CLPB: variants seen among roughly 807,000 people sequenced by gnomAD.
CLPB encodes the protein mitochondrial disaggregase.
In CLPB, 40 loss-of-function variants were observed where a neutral mutation model predicts 78.4. That is an observed-to-expected ratio of 0.51 (90% CI 0.40 to 0.66). The LOEUF is 0.66. Ranked by LOEUF, CLPB falls within the 30% of genes least tolerant of loss-of-function variation. The probability of loss-of-function intolerance (pLI) is 0.00; values close to 1 mark genes in which losing one functional copy is unlikely to be tolerated. For missense variants in CLPB, 780 were observed against 886.9 expected (o/e 0.88, Z 1.53); for synonymous variants, 333 against 348.0 (o/e 0.96, Z 0.48).
At chr11:72,371,256 G>A (rs960446703) in intron 4 of CLPB, among the ~76,000 whole-genome samples, 9 of 151,988 alleles carry the variant, frequency 5.9e-5, no homozygotes, top group Admixed American at 2.0e-4. Flanking sequence ...ATTGGGCAGG[G>A]CGTGGTGGCT....
At chr11:72,340,790 G>A (rs896918150) in intron 5 of CLPB, among the ~76,000 whole-genome samples, 1 of 152,210 alleles carries the variant, frequency 6.6e-6, no homozygotes, top group Non-Finnish European at 1.5e-5. Context: ...TTACTGAACT[G>A]CTTGGTGCCC....
chr11:72,355,465 T>C (rs1320083118), intron 5 of CLPB: 1 of 152,188 alleles, frequency 6.6e-6, no homozygotes, highest in Non-Finnish European at 1.5e-5. Context: ...CAATGATAAG[T>C]ACTTATAACA....
chr11:72,430,395 C>T (rs1260997090), intron 1 of CLPB, 32 bp from the exon 2 acceptor site: 18 of 1,606,854 alleles, frequency 1.1e-5, no homozygotes, highest in South Asian at 3.4e-5. Flanking sequence ...GTCAGATCCG[C>T]GGCCAGGACA....
intron 5 of CLPB, among the ~76,000 whole-genome samples, chr11:72,353,448 C>A (rs911763540): frequency 6.6e-6 from 1 of 152,158 alleles, no homozygotes; most frequent in African/African-American, 2.4e-5. Flanking sequence ...TCTAAAAAGT[C>A]AGACACATTA....
Position 72,358,977 on chromosome 11 carries a change from GT to G in CLPB, c.677del (p.Asn226ThrfsTer3), listed in dbSNP as rs771210449. On this transcript the variant is annotated frameshift_variant, in exon 5 of 16. Coordinates refer to ENST00000538039, the MANE Select transcript of CLPB (RefSeq NM_001258392.3). LOFTEE classifies it high-confidence loss of function. Reference protein sequence around the residue: ...VLITREDDFNNRLNNRASFKG... With the variant: ...VLITREDDFNXRLNNRASFKG... ...TGAAACTGGCGCGGTTGTTCAGCCT[GT>G]TGTTGAAGTCATCCTCTCGGGTGAT... 1.9e-6 allele frequency: 3 copies of G among 1,613,572 alleles called. No individual in the cohort carries two copies. Among genetic ancestry groups the G allele is most frequent in the Non-Finnish European group, 2.5e-6 (3 of 1,179,954 alleles).
chr11:72,376,500 C>A (rs1331430002), intron 4 of CLPB, among the ~76,000 whole-genome samples: 2 of 150,210 alleles, frequency 1.3e-5, no homozygotes, highest in South Asian at 2.1e-4. Context: ...AACTGATACA[C>A]CCAGGAAAAT....
intron 2 of CLPB, among the ~76,000 whole-genome samples, chr11:72,428,619 C>T (rs191890019): frequency 5.6e-4 from 85 of 152,282 alleles, no homozygotes; most frequent in Non-Finnish European, 1.1e-3. Context: ...GTGCCTCGCT[C>T]ATCTCTGATG....
intron 2 of CLPB, among the ~76,000 whole-genome samples, chr11:72,404,216 G>A (rs1340470386): frequency 6.6e-6 from 1 of 152,206 alleles, no homozygotes; most frequent in African/African-American, 2.4e-5. Flanking sequence ...GCTAGATTCT[G>A]GATGAGGGTG....
At chr11:72,417,998 C>T (rs962353770) in intron 2 of CLPB, among the ~76,000 whole-genome samples, 1 of 152,170 alleles carries the variant, frequency 6.6e-6, no homozygotes, top group Admixed American at 6.5e-5. Context: ...GGGTGCTATC[C>T]CTTCAAACAA....
chr11:72,295,072 A>G (rs910936633), intron 12 of CLPB, among the ~76,000 whole-genome samples: 1 of 152,148 alleles, frequency 6.6e-6, no homozygotes, highest in African/African-American at 2.4e-5. Context: ...AGCACTCTCC[A>G]TGGCCCACCT....
intron 5 of CLPB, among the ~76,000 whole-genome samples, chr11:72,338,146 G>T (rs1288145790): frequency 3.3e-5 from 5 of 152,180 alleles, no homozygotes; most frequent in African/African-American, 1.2e-4. Flanking sequence ...GACAGAGAGG[G>T]ATAGAAATAA....
chr11:72,338,782 T>C (rs1366734242), intron 5 of CLPB, among the ~76,000 whole-genome samples: 1 of 152,246 alleles, frequency 6.6e-6, no homozygotes, highest in Non-Finnish European at 1.5e-5. Context: ...TGATGATCAC[T>C]AGGCATCAGG....
intron 3 of CLPB, among the ~76,000 whole-genome samples, chr11:72,399,206 A>G (rs2135070724): frequency 6.6e-6 from 1 of 152,080 alleles, no homozygotes; most frequent in Non-Finnish European, 1.5e-5. Context: ...GGTCCCATTC[A>G]TGTTAAATTT....
At chr11:72,371,370 A>C (rs1457918906) in intron 4 of CLPB, among the ~76,000 whole-genome samples, 1 of 151,870 alleles carries the variant, frequency 6.6e-6, no homozygotes, top group Non-Finnish European at 1.5e-5. Flanking sequence ...TCTCTACTAA[A>C]ATAAAAAATT....
At chr11:72,422,666 TGATTAAG>T (rs1368125888) in intron 2 of CLPB, among the ~76,000 whole-genome samples, 7 of 152,350 alleles carry the variant, frequency 4.6e-5, no homozygotes, top group Non-Finnish European at 8.8e-5. Flanking sequence ...ACATACTTCC[TGATTAAG>T]AGAGCTGGAT....
At chr11:72,384,810 TATA>T (rs1353561606) in intron 3 of CLPB, among the ~76,000 whole-genome samples, 2 of 152,196 alleles carry the variant, frequency 1.3e-5, no homozygotes, top group Admixed American at 6.5e-5. Flanking sequence ...AAGGTCATTA[TATA>T]ATAATAAAGG....
intron 2 of CLPB, among the ~76,000 whole-genome samples, chr11:72,414,481 T>C (rs1369171619): frequency 1.3e-5 from 2 of 152,204 alleles, no homozygotes; most frequent in Admixed American, 6.5e-5. Flanking sequence ...TTCTGTGAAG[T>C]TCAGGAATCT....
chr11:72,322,882 T>C (rs1041005596), intron 6 of CLPB, among the ~76,000 whole-genome samples: 1 of 152,206 alleles, frequency 6.6e-6, no homozygotes, highest in African/African-American at 2.4e-5. Context: ...CTGGGTGTTT[T>C]AATCCTCATA....
intron 2 of CLPB, among the ~76,000 whole-genome samples, chr11:72,416,049 C>A (rs138712662): frequency 1.3e-5 from 2 of 152,322 alleles, no homozygotes; most frequent in Non-Finnish European, 2.9e-5. Flanking sequence ...GAAGACAGAG[C>A]TGGGACCAAG....
Sources: gnomAD v4.1 joint callset for allele counts (sites outside exome capture counted in the v4.1 genomes callset) on GRCh38, gnomAD v4.1.1 for gene constraint, MANE v1.5 for transcripts, NCBI Gene and HGNC (gene_info 2026-07-23, HGNC 2026-07-21) for gene names.